Variants in SLC38A2 observed in about 807,000 individuals in gnomAD.
SLC38A2 encodes solute carrier family 38 member 2.
Under a neutral mutation model 61.5 loss-of-function variants are expected in SLC38A2, and 11 were observed. The ratio of observed to expected loss-of-function variants is 0.18; its 90% confidence interval spans 0.11 to 0.30. The LOEUF (loss-of-function observed/expected upper bound fraction) is 0.30, where lower values mean the gene tolerates loss of function less well. Ranked by LOEUF, SLC38A2 falls within the 10% of genes least tolerant of loss-of-function variation. The pLI is 1.00. For synonymous variants in SLC38A2, 217 were observed against 212.5 expected, an observed-to-expected ratio of 1.02 and a Z score of -0.18; for missense variants, 522 against 600.4, an observed-to-expected ratio of 0.87 and a Z score of 1.36.
At chr12:46,363,650 G>C in intron 12 of SLC38A2, 76 bp downstream of exon 12, 1 of 878,748 alleles carries the variant, frequency 1.1e-6, no homozygotes, top group South Asian at 1.9e-5. Flanking sequence ...ACTACACATA[G>C]AAAACTAGCA....
At chr12:46,371,447 GAGGCGCAGC>G in intron 1 of SLC38A2, 68 bp from the exon 2 acceptor site, 2 of 621,380 alleles carry the variant, frequency 3.2e-6, no homozygotes, top group Middle Eastern at 4.4e-4. Flanking sequence ...ACGCCGCCCG[GAGGCGCAGC>G]GCGGCTGATT....
chr12:46,366,790 C>T, intron 7 of SLC38A2, 74 bp downstream of exon 7: 1 of 1,338,526 alleles, frequency 7.5e-7, no homozygotes, highest in Non-Finnish European at 1.0e-6. Flanking sequence ...ATTTTGTATA[C>T]AACTTTGATA....
rs978834498 is a variant in SLC38A2, at chr12:46,358,470, G to A, written c.*2641C>T. ...AATTTTAAATAAGAGATCTGAATTT[G>A]TACCAAGATTTCATGAAAAAATTTG... On this transcript the variant is annotated 3_prime_UTR_variant, in exon 16 of 16. Coordinates refer to ENST00000256689, the MANE Select transcript of SLC38A2 (RefSeq NM_018976.5). The A allele has an allele frequency of 2.6e-5, 4 of 152,422 alleles. No homozygotes were observed. The highest frequency in any genetic ancestry group is 1.3e-4 in the Admixed American group (2 of 15,248). The allele number at this position is 152,422 out of a possible 1,614,324, so 9.4% of individuals were successfully genotyped here. A position where few individuals can be genotyped will look rare whatever the true frequency, so the allele number is the denominator to read the frequency against.
intron 15 of SLC38A2, 27 bp from the exon 16 acceptor site, chr12:46,361,236 C>A: frequency 6.4e-7 from 1 of 1,573,480 alleles, no homozygotes; most frequent in South Asian, 1.1e-5. Context: ...GAAAATTGAT[C>A]AGCAAGTAAT....
Position 46,363,154 on chromosome 12 carries a change from A to G in SLC38A2, c.1055-9T>C, listed in dbSNP as rs1943101593. 5 of 1,608,548 alleles carry G rather than the reference A, an allele frequency of 3.1e-6. No individual in the cohort carries two copies. The highest frequency in any genetic ancestry group is 4.2e-6 in the Non-Finnish European group (5 of 1,177,092). ...TTCTGACTCAACATGTTCTACAGGG[A>G]AAGACCAAAAAAACTTTGATTGGCT... On this transcript the variant is annotated splice_polypyrimidine_tract_variant and intron_variant, in intron 12 of 15. Transcript: ENST00000256689.
rs776327189 is a variant in SLC38A2 at position 46,366,841 on chromosome 12, G to A, written c.563+23C>T. The stretch of plus-strand genomic sequence containing the variant: ...ACTTTTGACTATAATTGTTTCTTAT[G>A]AGTAACCTTACTTAGCACCTACCCA... On this transcript the variant is annotated intron_variant, in intron 7 of 15. Coordinates refer to ENST00000256689, the MANE Select transcript of SLC38A2 (RefSeq NM_018976.5). 14 of 1,584,948 alleles carry A rather than the reference G, an allele frequency of 8.8e-6. 1 individual carries two copies. The Admixed American group carries it at 1.3e-4, about 15-fold the overall frequency.
rs1269760835 is a variant in SLC38A2 at position 46,360,594 on chromosome 12, T to C, written c.*517A>G. 6.6e-6 allele frequency: 1 copy of C among 152,522 alleles called. No homozygotes were observed. The highest frequency in any genetic ancestry group is 1.5e-5 in the Non-Finnish European group (1 of 68,082). The allele number at this position is 152,522 out of a possible 1,614,324, so 9.4% of individuals were successfully genotyped here. On this transcript the variant is annotated 3_prime_UTR_variant, in exon 16 of 16. Coordinates refer to ENST00000256689, the MANE Select transcript of SLC38A2 (RefSeq NM_018976.5). ...TTATTTTATGGAATTTATTGATAACTGCTTCTGAATAAAGTTCAAAAAAGC... is the reference window on the plus strand; with the variant it reads ...TTATTTTATGGAATTTATTGATAACCGCTTCTGAATAAAGTTCAAAAAAGC...
rs1943193348 is a variant in SLC38A2 at position 46,371,187 on chromosome 12, G to A, written c.107C>T (p.Ala36Val). Residue 36 changes from alanine (A) to valine (V), a missense_variant, in exon 2 of 16, where the codon GCT becomes GTT. By Grantham distance (64) the Ala-to-Val change is moderately conservative (BLOSUM62 0). Transcript: ENST00000256689. ...FNYSYPTKQAALKSHYADVDP... is the reference protein window; with the variant it reads ...FNYSYPTKQAVLKSHYADVDP... Reference sequence around the variant, plus strand: ...TCACAACTTCTCCCACCTTTTCAGAGCAGCTTGCTTGGTGGGGTAGGAGTA... The same window carrying A: ...TCACAACTTCTCCCACCTTTTCAGAACAGCTTGCTTGGTGGGGTAGGAGTA... The A allele has an allele frequency of 1.9e-6, 3 of 1,614,112 alleles. No individual in the cohort carries two copies. Among genetic ancestry groups the A allele is most frequent in the Non-Finnish European group, 2.5e-6 (3 of 1,179,918 alleles).
In SLC38A2 at chr12:46,359,749, C is replaced by T. The variant is rs1054677530; in HGVS notation, c.*1362G>A. On this transcript the variant is annotated 3_prime_UTR_variant, in exon 16 of 16. Transcript: ENST00000256689. Reference sequence around the variant, plus strand: ...ACTGGGATTGAAATGGAAGGGTTGACATGCAGTTGGACCAAAATGACTACT... The same window carrying T: ...ACTGGGATTGAAATGGAAGGGTTGATATGCAGTTGGACCAAAATGACTACT... 2 of 152,614 alleles carry T rather than the reference C, an allele frequency of 1.3e-5. No homozygotes were observed. The highest frequency in any genetic ancestry group is 4.8e-5 in the African/African-American group (2 of 41,428). The allele number at this position is 152,614 out of a possible 1,614,324, so 9.5% of individuals were successfully genotyped here.
intron 5 of SLC38A2, 27 bp downstream of exon 5, chr12:46,367,240 T>G (rs764145219): frequency 1.9e-6 from 3 of 1,589,066 alleles, no homozygotes; most frequent in South Asian, 2.2e-5. Context: ...ATACATTGTT[T>G]TAGAAAAATC....
intron 7 of SLC38A2, 83 bp downstream of exon 7, chr12:46,366,781 T>TCA (rs1328368160): frequency 3.9e-6 from 5 of 1,287,732 alleles, no homozygotes; most frequent in Non-Finnish European, 5.4e-6. Context: ...TAACTAATCA[T>TCA]TTTGTATACA....
chr12:46,366,139 G>A (rs1943136589), intron 7 of SLC38A2, among the ~76,000 whole-genome samples: 1 of 152,146 alleles, frequency 6.6e-6, no homozygotes, highest in African/African-American at 2.4e-5. Flanking sequence ...AACTTTGCTA[G>A]AAGAAAATGG....
At chr12:46,363,266 G>A (rs1327906436) in intron 12 of SLC38A2, 121 bp from the exon 13 acceptor site, 8 of 1,150,574 alleles carry the variant, frequency 7.0e-6, no homozygotes, top group Non-Finnish European at 9.8e-6. Context: ...AAACTAAGAG[G>A]CTAATAAGAT....
At chr12:46,364,944 T>A in intron 8 of SLC38A2, 163 bp downstream of exon 8, 2 of 724,674 alleles carry the variant, frequency 2.8e-6, no homozygotes, top group Non-Finnish European at 4.6e-6. Flanking sequence ...ACATATAGTG[T>A]CAATTAAATA....
Position 46,359,271 on chromosome 12 carries a change from G to C in SLC38A2, c.*1840C>G, listed in dbSNP as rs1462015075. The C allele has an allele frequency of 6.6e-6, 1 of 152,566 alleles. No homozygotes were observed. Among genetic ancestry groups the C allele is most frequent in the Non-Finnish European group, 1.5e-5 (1 of 68,024 alleles). The allele number at this position is 152,566 out of a possible 1,614,324, so 9.5% of individuals were successfully genotyped here. A position where few individuals can be genotyped will look rare whatever the true frequency, so the allele number is the denominator to read the frequency against. On this transcript the variant is annotated 3_prime_UTR_variant, in exon 16 of 16. Coordinates refer to ENST00000256689, the MANE Select transcript of SLC38A2 (RefSeq NM_018976.5). The stretch of plus-strand genomic sequence containing the variant: ...CCAATTAAATGAAAGCAGTGCCGTA[G>C]AATCTGTCTTCCCACTGCCTTTCTA...
chr12:46,363,882 G>C (rs1943110549), intron 11 of SLC38A2, 42 bp downstream of exon 11: 1 of 1,594,234 alleles, frequency 6.3e-7, no homozygotes, highest in African/African-American at 1.4e-5. Context: ...TACAGCAATT[G>C]TCTAATATTT....
At position 46,372,760 on chromosome 12, in the gene SLC38A2, C is replaced by G. The variant is rs1392317320; in HGVS notation, c.-338G>C. 2 of 398,198 alleles carry G rather than the reference C, an allele frequency of 5.0e-6. No individual in the cohort carries two copies. The highest frequency in any genetic ancestry group is 8.9e-6 in the Non-Finnish European group (2 of 225,822). 24.7% of individuals were successfully genotyped at this position (398,198 alleles called of 1,614,324 possible). On this transcript the variant is annotated 5_prime_UTR_variant, in exon 1 of 16. Coordinates refer to ENST00000256689, the MANE Select transcript of SLC38A2 (RefSeq NM_018976.5). ...CTGGAAAGGCGTTCTAAGGCGGCGG[C>G]GTCGCGCGGCTGTGGAGCAGCCCTG...
Position 46,359,906 on chromosome 12 carries a change from A to G in SLC38A2, c.*1205T>C, listed in dbSNP as rs1943062424. The G allele has an allele frequency of 6.5e-6, 1 of 152,688 alleles. No individual in the cohort carries two copies. Among genetic ancestry groups the G allele is most frequent in the Non-Finnish European group, 1.5e-5 (1 of 68,034 alleles). 9.5% of individuals were successfully genotyped at this position (152,688 alleles called of 1,614,324 possible). A position where few individuals can be genotyped will look rare whatever the true frequency, so the allele number is the denominator to read the frequency against. ...ATAAAGCTTACTGCATGAGAAACCC[A>G]GTGGCCTACGCAAAGAGAACTTATA... On this transcript the variant is annotated 3_prime_UTR_variant, in exon 16 of 16. Transcript: ENST00000256689.
At chr12:46,365,609 T>C (rs1943131393) in intron 7 of SLC38A2, among the ~76,000 whole-genome samples, 1 of 152,136 alleles carries the variant, frequency 6.6e-6, no homozygotes, top group Non-Finnish European at 1.5e-5. Flanking sequence ...ACTAAAAAAT[T>C]TTAAAACAAG....
Sources: gnomAD v4.1 joint callset for allele counts (sites outside exome capture counted in the v4.1 genomes callset) on GRCh38, gnomAD v4.1.1 for gene constraint, MANE v1.5 for transcripts, NCBI Gene and HGNC (gene_info 2026-07-23, HGNC 2026-07-21) for gene names.